The following GNB1L variants were observed in gnomAD, a reference collection of about 807,000 sequenced individuals.
The protein encoded by GNB1L is G protein subunit beta 1 like, also known as guanine nucleotide-binding protein subunit beta-like protein 1.
A neutral mutation model predicts 29.1 loss-of-function variants in GNB1L; 20 were observed. The ratio of observed to expected loss-of-function variants is 0.69; its 90% CI spans 0.48 to 1.00. The LOEUF is 1.00. GNB1L is among the 50% of genes least tolerant of loss of function. The pLI is 0.00. For missense variants in GNB1L, 421 were observed against 464.9 expected (o/e 0.91, Z 0.87); for synonymous variants, 193 against 206.5 (o/e 0.93, Z 0.56).
At position 19,825,276 on chromosome 22, in the gene GNB1L, G is replaced by A. The variant is rs902039039; in HGVS notation, c.-20-3901C>T. On this transcript the variant is annotated intron_variant, in intron 2 of 7. Transcript: ENST00000329517. ...GGTCAGCACCCCTTTACACCAGGAC[G>A]GACACCCTGGGTGGCCCTCTCCCAA... Among the ~76,000 whole-genome samples, 9 of 152,192 alleles carry A rather than the reference G, an allele frequency of 5.9e-5. No homozygotes were observed. The South Asian group carries it at 8.3e-4, about 14-fold the overall frequency.
chr22:19,792,542 C>T (rs1937263050), intron 7 of GNB1L: 1 of 1,548,420 alleles, frequency 6.5e-7, no homozygotes, highest in Admixed American at 1.7e-5. Context: ...TTAACCAGTT[C>T]ACCTAGGCCC....
chr22:19,803,481 C>T (rs1035076361), intron 6 of GNB1L, among the ~76,000 whole-genome samples: 2 of 152,186 alleles, frequency 1.3e-5, no homozygotes, highest in African/African-American at 4.8e-5. Flanking sequence ...CAGCCCCCTG[C>T]CCCTCCCTGC....
intron 2 of GNB1L, chr22:19,852,261 T>C: frequency 6.2e-7 from 1 of 1,600,518 alleles, no homozygotes; most frequent in Non-Finnish European, 8.5e-7. Flanking sequence ...CCACGAGGCA[T>C]GCTGGGAGCA....
At chr22:19,842,356 C>T (rs1937876153) in intron 2 of GNB1L, among the ~76,000 whole-genome samples, 1 of 152,272 alleles carries the variant, frequency 6.6e-6, no homozygotes, top group African/African-American at 2.4e-5. Flanking sequence ...CCTTCCCCAT[C>T]TCTGAAATGC....
chr22:19,836,968 ATT>A (rs35048764), intron 2 of GNB1L, among the ~76,000 whole-genome samples: 15 of 143,934 alleles, frequency 1.0e-4, no homozygotes, highest in Admixed American at 2.1e-4. Context: ...TTGAAAAGAG[ATT>A]TTTTTTTTTT....
At chr22:19,822,926 G>A (rs980328291) in intron 2 of GNB1L, among the ~76,000 whole-genome samples, 1 of 152,204 alleles carries the variant, frequency 6.6e-6, no homozygotes, top group Non-Finnish European at 1.5e-5. Flanking sequence ...CAGAGCTGGG[G>A]CAAAGGTTCA....
At chr22:19,794,969 G>T (rs1346291443) in intron 7 of GNB1L, among the ~76,000 whole-genome samples, 1 of 152,160 alleles carries the variant, frequency 6.6e-6, no homozygotes, top group Non-Finnish European at 1.5e-5. Flanking sequence ...GACAGAGTGA[G>T]ACTCCGTCTC....
At chr22:19,797,774 C>T (rs941640444) in intron 7 of GNB1L, among the ~76,000 whole-genome samples, 2 of 152,228 alleles carry the variant, frequency 1.3e-5, no homozygotes, top group African/African-American at 4.8e-5. Context: ...TCATCCTGCC[C>T]TTTCAAGGCC....
At chr22:19,847,186 G>A (rs1364381971) in intron 2 of GNB1L, 1 of 985,330 alleles carries the variant, frequency 1.0e-6, no homozygotes, top group Non-Finnish European at 1.2e-6. Flanking sequence ...TGTCCAGGTA[G>A]GCTGTCGTCA....
chr22:19,836,880 T>TA lies in GNB1L; in HGVS notation c.-20-15506dup, dbSNP rs200082197. ...GAATTCAACATCCATTCATGATTTT[T>TA]AAAAAAACCCTCAGAAAGCATAATC... On this transcript the variant is annotated intron_variant, in intron 2 of 7. Transcript: ENST00000329517. Among the ~76,000 whole-genome samples, 487 of 151,900 alleles carry TA rather than the reference T, an allele frequency of 3.2e-3. 14 individuals carry two copies. The South Asian group carries it at 0.079, about 25-fold the overall frequency.
In GNB1L at chr22:19,788,023, C is replaced by T. The variant is rs1406011269; in HGVS notation, c.*686G>A. 2 of 157,196 alleles carry T rather than the reference C, an allele frequency of 1.3e-5. No homozygotes were observed. Among genetic ancestry groups the T allele is most frequent in the African/African-American group, 4.8e-5 (2 of 41,518 alleles). 9.7% of individuals were successfully genotyped at this position (157,196 alleles called of 1,614,324 possible). On this transcript the variant is annotated 3_prime_UTR_variant, in exon 8 of 8. Transcript: ENST00000329517. Reference sequence around the variant, plus strand: ...AGGTGCACCCTGTGCGCCTTCCCCACTGCACCCTCTGCGGGCAGGCGTGCC... The same window carrying T: ...AGGTGCACCCTGTGCGCCTTCCCCATTGCACCCTCTGCGGGCAGGCGTGCC...
intron 2 of GNB1L, among the ~76,000 whole-genome samples, chr22:19,835,581 G>A (rs138378790): frequency 0.015 from 2,283 of 152,110 alleles, 50 homozygotes; most frequent in African/African-American, 0.051. Flanking sequence ...GGCTGAGGCA[G>A]AAGAATTGCT....
At position 19,799,414 on chromosome 22, in the gene GNB1L, C is replaced by T. The variant is rs528014996; in HGVS notation, c.732+2587G>A. Among the ~76,000 whole-genome samples the T allele has an allele frequency of 3.9e-5, 6 of 152,334 alleles. No individual in the cohort carries two copies. The South Asian group carries it at 1.2e-3, about 32-fold the overall frequency. On this transcript the variant is annotated intron_variant, in intron 7 of 7. Transcript: ENST00000329517. ...TCAGGTGGTATCCTGATGTGGGCAGCCTCCTCGTCACCACCGCGGCCCCTG... is the reference window on the plus strand; with the variant it reads ...TCAGGTGGTATCCTGATGTGGGCAGTCTCCTCGTCACCACCGCGGCCCCTG...
At chr22:19,792,133 T>C (rs1377970933) in intron 7 of GNB1L, among the ~76,000 whole-genome samples, 1 of 152,220 alleles carries the variant, frequency 6.6e-6, no homozygotes, top group Non-Finnish European at 1.5e-5. Context: ...TTAGTAGACA[T>C]GCTAAGAAGC....
chr22:19,851,841 C>A (rs776184901), intron 2 of GNB1L: 1 of 1,613,982 alleles, frequency 6.2e-7, no homozygotes, highest in Admixed American at 1.7e-5. Context: ...CTGAGGATCT[C>A]GCAGACACGG....
intron 5 of GNB1L, among the ~76,000 whole-genome samples, chr22:19,807,889 C>T (rs1486324779): frequency 6.6e-6 from 1 of 152,220 alleles, no homozygotes; most frequent in Non-Finnish European, 1.5e-5. Flanking sequence ...CTGCCACAGG[C>T]ATGCTATGGG....
intron 2 of GNB1L, among the ~76,000 whole-genome samples, chr22:19,839,263 T>C (rs1470732736): frequency 6.6e-6 from 1 of 151,942 alleles, no homozygotes; most frequent in Non-Finnish European, 1.5e-5. Flanking sequence ...CACACAATAA[T>C]AAAGATAATA....
chr22:19,792,711 G>A, intron 7 of GNB1L: 1 of 1,487,878 alleles, frequency 6.7e-7, no homozygotes, highest in Non-Finnish European at 9.3e-7. Flanking sequence ...TCGAGCAGGA[G>A]TTAACATCGT....
intron 2 of GNB1L, among the ~76,000 whole-genome samples, chr22:19,845,169 G>A (rs905685067): frequency 5.3e-5 from 8 of 152,226 alleles, no homozygotes; most frequent in African/African-American, 1.9e-4. Context: ...GTGTGGCCAG[G>A]TGTATGTCTC....
Sources: gnomAD v4.1 joint callset for allele counts (sites outside exome capture counted in the v4.1 genomes callset) on GRCh38, gnomAD v4.1.1 for gene constraint, MANE v1.5 for transcripts, NCBI Gene and HGNC (gene_info 2026-07-23, HGNC 2026-07-21) for gene names.